TRIM23: variants seen among roughly 807,000 people sequenced by gnomAD.
The protein encoded by TRIM23 is tripartite motif containing 23.
In TRIM23, 27 loss-of-function variants were observed where a neutral mutation model predicts 71.0. The ratio of observed to expected loss-of-function variants is 0.38; its 90% CI spans 0.28 to 0.52. The LOEUF is 0.52. Among genes scored for constraint, TRIM23 ranks in the 20% least tolerant of loss-of-function variants. The probability of loss-of-function intolerance (pLI) is 0.84; values close to 1 mark genes in which losing one functional copy is unlikely to be tolerated. For missense variants in TRIM23, 482 were observed against 692.3 expected, an observed-to-expected ratio of 0.70 and a Z score of 3.41; for synonymous variants, 234 against 238.0, an observed-to-expected ratio of 0.98 and a Z score of 0.16.
At position 65,595,119 on chromosome 5, in the gene TRIM23, A is replaced by C. The variant is rs190556209; in HGVS notation, c.1421-474T>G. Among the ~76,000 whole-genome samples, 91 of 152,154 alleles carry C rather than the reference A, an allele frequency of 6.0e-4. 1 individual carries two copies. The East Asian group carries it at 0.015, about 25-fold the overall frequency. The stretch of plus-strand genomic sequence containing the variant: ...ACTTTCAACCATTCCTCATATTCAA[A>C]ATTTCATTTTTGTAGGGCACAGTGG... On this transcript the variant is annotated intron_variant, in intron 9 of 10. Coordinates refer to ENST00000231524, the MANE Select transcript of TRIM23 (RefSeq NM_001656.4).
chr5:65,605,167 T>C, intron 6 of TRIM23, 122 bp from the exon 7 acceptor site: 3 of 907,850 alleles, frequency 3.3e-6, no homozygotes, highest in Non-Finnish European at 4.7e-6. Context: ...TAAATGTAAA[T>C]TTGACAAAAA....
chr5:65,591,777 C>T lies in TRIM23; in HGVS notation c.1717G>A (p.Val573Ile), dbSNP rs745886720. The change falls in exon 11 of 11, where the codon GTT (valine) becomes ATT (isoleucine). Residue 573 changes from valine (V) to isoleucine (I), a missense_variant. Physicochemically the swap from Val to Ile is conservative, Grantham distance 29 (BLOSUM62 3). Coordinates refer to ENST00000231524, the MANE Select transcript of TRIM23 (RefSeq NM_001656.4). ...AACTGCTGCCTTTAAAATCAAGCAA[C>T]ATCCAATACTCCAGCAGCTACAAGT... ...RQLVAAGVLD[V>I]A 3.7e-6 allele frequency: 6 copies of T among 1,605,808 alleles called. No homozygotes were observed. In the East Asian group the frequency reaches 1.3e-4, roughly 36 times the overall value.
chr5:65,597,817 T>C (rs923838381), intron 7 of TRIM23, among the ~76,000 whole-genome samples: 4 of 152,214 alleles, frequency 2.6e-5, no homozygotes, highest in Non-Finnish European at 5.9e-5. Flanking sequence ...AATAATGCTA[T>C]AATGAACATT....
At chr5:65,606,067 T>C (rs750415333) in intron 6 of TRIM23, among the ~76,000 whole-genome samples, 16 of 152,184 alleles carry the variant, frequency 1.1e-4, no homozygotes, top group Admixed American at 2.0e-4. Flanking sequence ...TTTAGACACA[T>C]AGGCCAGAAA....
chr5:65,608,363 T>C (rs1292834017), intron 6 of TRIM23, among the ~76,000 whole-genome samples: 1 of 152,114 alleles, frequency 6.6e-6, no homozygotes, highest in Non-Finnish European at 1.5e-5. Flanking sequence ...AAAATCAACT[T>C]AATAAATAGC....
At chr5:65,622,061 G>C (rs778147118) in intron 1 of TRIM23, among the ~76,000 whole-genome samples, 1 of 151,920 alleles carries the variant, frequency 6.6e-6, no homozygotes, top group Admixed American at 6.6e-5. Flanking sequence ...TCAAACTCTG[G>C]GGCTCAAGCA....
intron 1 of TRIM23, among the ~76,000 whole-genome samples, chr5:65,621,299 C>T (rs973569621): frequency 6.6e-6 from 1 of 152,178 alleles, no homozygotes; most frequent in Non-Finnish European, 1.5e-5. Flanking sequence ...TTGCAGTGAG[C>T]CAAGATTGTG....
chr5:65,606,342 A>C (rs1445124228), intron 6 of TRIM23, among the ~76,000 whole-genome samples: 1 of 151,974 alleles, frequency 6.6e-6, no homozygotes, highest in Non-Finnish European at 1.5e-5. Context: ...GCTACTCAGG[A>C]GGCTGAAGCA....
intron 10 of TRIM23, 117 bp from the exon 11 acceptor site, chr5:65,592,065 C>A: frequency 1.1e-6 from 1 of 948,406 alleles, no homozygotes; most frequent in Non-Finnish European, 1.5e-6. Context: ...AACAAAAAAC[C>A]TAGATTCATC....
At chr5:65,600,832 G>A (rs943262073) in intron 7 of TRIM23, among the ~76,000 whole-genome samples, 7 of 152,050 alleles carry the variant, frequency 4.6e-5, no homozygotes, top group Admixed American at 3.3e-4. Context: ...AAAAGTGAGC[G>A]AAGGACAGAA....
In TRIM23 at chr5:65,609,385, C is replaced by T. The variant is rs1353992499; in HGVS notation, c.902G>A (p.Arg301His). 8 of 1,613,960 alleles carry T rather than the reference C, an allele frequency of 5.0e-6. No individual in the cohort carries two copies. Among genetic ancestry groups the T allele is most frequent in the Admixed American group, 1.7e-5 (1 of 59,984 alleles). ...YFYDLHETLC[R>H]QEEMALSVVD... ...AACACTTAGAGCCATTTCTTCTTGA[C>T]GACACAGAGTTTCATGTAGATCATA... Residue 301 changes from arginine (R) to histidine (H), a missense_variant, in exon 6 of 11, where the codon CGT becomes CAT. By Grantham distance (29) the Arg-to-His change is conservative. Coordinates refer to ENST00000231524, the MANE Select transcript of TRIM23 (RefSeq NM_001656.4).
intron 1 of TRIM23, among the ~76,000 whole-genome samples, chr5:65,619,946 T>C (rs999697360): frequency 1.3e-5 from 2 of 151,948 alleles, no homozygotes; most frequent in African/African-American, 4.8e-5. Flanking sequence ...TAGCCAGGCA[T>C]AGTGGTGGGC....
At chr5:65,622,894 T>C (rs1176786806) in intron 1 of TRIM23, among the ~76,000 whole-genome samples, 2 of 152,202 alleles carry the variant, frequency 1.3e-5, no homozygotes, top group East Asian at 1.9e-4. Context: ...CCATTCCAAT[T>C]ATGAAATAAA....
intron 1 of TRIM23, among the ~76,000 whole-genome samples, chr5:65,620,022 T>C (rs1201666201): frequency 6.6e-6 from 1 of 151,984 alleles, no homozygotes; most frequent in Non-Finnish European, 1.5e-5. Context: ...GAGGCGGAGG[T>C]TGCAGTGAGC....
chr5:65,597,147 T>C lies in TRIM23; in HGVS notation c.1213A>G (p.Ile405Val). 1.2e-6 allele frequency: 2 copies of C among 1,614,192 alleles called. No individual in the cohort carries two copies. Among genetic ancestry groups the C allele is most frequent in the Non-Finnish European group, 1.7e-6 (2 of 1,180,012 alleles). ...TCCAATCCTAACGTAACGACCCGAA[T>C]TTCCATTTTTGGTCCAATGTGAACT... is the stretch of plus-strand genomic sequence containing the variant. Reference protein sequence around the residue: ...NRVHIGPKMEIRVVTLGLDGA... With the variant: ...NRVHIGPKMEVRVVTLGLDGA... Residue 405 changes from isoleucine (I) to valine (V), a missense_variant, in exon 8 of 11, where the codon ATT becomes GTT. Ile to Val is a conservative substitution (Grantham distance 29). Coordinates refer to ENST00000231524, the MANE Select transcript of TRIM23 (RefSeq NM_001656.4).
intron 1 of TRIM23, among the ~76,000 whole-genome samples, chr5:65,620,431 A>C (rs1265996224): frequency 6.6e-6 from 1 of 152,248 alleles, no homozygotes; most frequent in Non-Finnish European, 1.5e-5. Context: ...CTTGGAAAAT[A>C]AATTGTGGCA....
In TRIM23 at chr5:65,610,397, T is replaced by C. The variant is rs144676704; in HGVS notation, c.828+464A>G. ...ATGATTTGGCTTTGAACTCTCCATA[T>C]CCTCTTTTCTTGTCATGTCCCATTC... On this transcript the variant is annotated intron_variant, in intron 5 of 10. Coordinates refer to ENST00000231524, the MANE Select transcript of TRIM23 (RefSeq NM_001656.4). 3.6e-3 allele frequency among the ~76,000 whole-genome samples: 544 copies of C among 152,338 alleles called. 1 individual carries two copies. The highest frequency in any genetic ancestry group is 0.012 in the African/African-American group (501 of 41,590).
intron 10 of TRIM23, 32 bp downstream of exon 10, chr5:65,594,489 A>T (rs1336921903): frequency 4.4e-6 from 7 of 1,592,678 alleles, no homozygotes; most frequent in African/African-American, 1.4e-5. Flanking sequence ...CAAAACTACT[A>T]AAATAAATAT....
At chr5:65,597,358 G>A (rs1754235216) in intron 7 of TRIM23, among the ~76,000 whole-genome samples, 178 bp from the exon 8 acceptor site, 1 of 111,392 alleles carries the variant, frequency 9.0e-6, no homozygotes, top group Non-Finnish European at 2.0e-5. Context: ...GCTAAATCTT[G>A]CCTTAGTAAA....
Sources: allele counts gnomAD v4.1 joint callset (sites outside exome capture counted in the v4.1 genomes callset), GRCh38; gene constraint gnomAD v4.1.1; transcripts MANE v1.5; gene names NCBI Gene and HGNC (gene_info 2026-07-23, HGNC 2026-07-21).